Variants in TNRC6A observed in about 807,000 individuals in gnomAD.
TNRC6A encodes trinucleotide repeat containing adaptor 6A, also known as trinucleotide repeat-containing gene 6A protein.
Under a neutral mutation model 221.2 loss-of-function variants are expected in TNRC6A, and 44 were observed. The ratio of observed to expected loss-of-function variants is 0.20; its 90% confidence interval spans 0.16 to 0.26. The LOEUF (loss-of-function observed/expected upper bound fraction) is 0.26, where lower values mean the gene tolerates loss of function less well. Ranked by LOEUF, TNRC6A falls within the 10% of genes least tolerant of loss-of-function variation. The pLI is 1.00. For synonymous variants in TNRC6A, 847 were observed against 838.5 expected, an observed-to-expected ratio of 1.01 and a Z score of -0.18; for missense variants, 2,199 against 2,404.4, an observed-to-expected ratio of 0.91 and a Z score of 1.79.
chr16:24,646,428 A>G (rs1902291529), intron 2 of TNRC6A, among the ~76,000 whole-genome samples: 1 of 152,206 alleles, frequency 6.6e-6, no homozygotes, highest in African/African-American at 2.4e-5. Context: ...CAGCATTTGT[A>G]TGTATACACT....
chr16:24,768,512 T>C (rs533263635), intron 4 of TNRC6A, among the ~76,000 whole-genome samples: 4 of 151,424 alleles, frequency 2.6e-5, no homozygotes, highest in Non-Finnish European at 5.9e-5. Flanking sequence ...TACTTGAGAA[T>C]AACATTTTCT....
intron 23 of TNRC6A, among the ~76,000 whole-genome samples, 155 bp from the exon 24 acceptor site, chr16:24,822,719 C>T (rs2058790710): frequency 6.6e-6 from 1 of 152,130 alleles, no homozygotes; most frequent in Admixed American, 6.5e-5. Flanking sequence ...GATGGCTCTG[C>T]ACCCCGTCAG....
chr16:24,714,596 C>T lies in TNRC6A; in HGVS notation n.403-36130C>T, dbSNP rs569046230. ...CTGGGATTACAGGCATAAGCCACTG[C>T]GCCCAGCCTGCTGTTAATCTTATCC... On this transcript the variant is annotated intron_variant and non_coding_transcript_variant, in intron 2 of 2. Coordinates refer to the TNRC6A transcript ENST00000566108. 1.7e-4 allele frequency among the ~76,000 whole-genome samples: 26 copies of T among 152,150 alleles called. No individual in the cohort carries two copies. In the East Asian group the frequency reaches 3.5e-3, roughly 20 times the overall value.
intron 2 of TNRC6A, among the ~76,000 whole-genome samples, chr16:24,734,971 C>G (rs1417102707): frequency 6.6e-6 from 1 of 152,166 alleles, no homozygotes; most frequent in Non-Finnish European, 1.5e-5. Flanking sequence ...TTGCGTGGGA[C>G]AAATGCTATA....
Position 24,790,582 on chromosome 16 carries a change from A to T in TNRC6A, c.1940A>T (p.Glu647Val), listed in dbSNP as rs750483490. 1 of 1,614,236 alleles carries T rather than the reference A, an allele frequency of 6.2e-7. No individual in the cohort carries two copies. Among genetic ancestry groups the T allele is most frequent in the South Asian group, 1.1e-5 (1 of 91,084 alleles). The change falls in exon 6 of 25, where the codon GAG becomes GTG. Residue 647 changes from glutamate (E) to valine (V), a missense_variant. This residue lies in a region of TNRC6A where 1,405 missense variants were observed against 1,400.2 expected (regional missense o/e 1.00). Transcript: ENST00000395799. Reference protein sequence around the residue: ...FTNGWKSTEEEDQGSATSQTN... With the variant: ...FTNGWKSTEEVDQGSATSQTN... ...AATGGATGGAAATCTACTGAGGAAG[A>T]GGATCAGGGTTCTGCCACATCTCAG...
intron 2 of TNRC6A, among the ~76,000 whole-genome samples, chr16:24,713,035 T>C (rs1376461784): frequency 6.6e-6 from 1 of 151,558 alleles, no homozygotes; most frequent in Non-Finnish European, 1.5e-5. Flanking sequence ...CATTTCAGCC[T>C]CCCAAAGAGT....
intron 4 of TNRC6A, among the ~76,000 whole-genome samples, chr16:24,769,421 C>T (rs752482895): frequency 1.7e-4 from 26 of 149,688 alleles, no homozygotes; most frequent in Non-Finnish European, 3.7e-4. Flanking sequence ...ATTTTTTTTC[C>T]CATTTCTTTA....
chr16:24,658,731 T>A (rs1275480591), intron 2 of TNRC6A, among the ~76,000 whole-genome samples: 1 of 152,178 alleles, frequency 6.6e-6, no homozygotes, highest in Non-Finnish European at 1.5e-5. Context: ...TTCAATTATT[T>A]ATTTTACTCT....
chr16:24,790,282 A>G lies in TNRC6A; in HGVS notation c.1640A>G (p.Asn547Ser). Reference sequence around the variant, plus strand: ...GGCCAAGCTAATGGTGACACTGTGAATGCAACTCTAATGCAGCCTGGCGTA... The same window carrying G: ...GGCCAAGCTAATGGTGACACTGTGAGTGCAACTCTAATGCAGCCTGGCGTA... ...PNGQANGDTV[N>S]ATLMQPGVNG... Residue 547 changes from asparagine (N) to serine (S), a missense_variant, in exon 6 of 25, where the codon AAT becomes AGT. By Grantham distance (46) the Asn-to-Ser change is conservative (BLOSUM62 1). Coordinates refer to ENST00000395799, the MANE Select transcript of TNRC6A (RefSeq NM_014494.4). 6.2e-7 allele frequency: 1 copy of G among 1,614,228 alleles called. No homozygotes were observed. The highest frequency in any genetic ancestry group is 8.5e-7 in the Non-Finnish European group (1 of 1,180,050).
At chr16:24,807,115 C>T (rs568523819) in intron 17 of TNRC6A, among the ~76,000 whole-genome samples, 4 of 151,868 alleles carry the variant, frequency 2.6e-5, no homozygotes, top group Admixed American at 1.3e-4. Flanking sequence ...AAGCGATTCT[C>T]GCACCTCAGC....
At chr16:24,769,144 TA>T (rs1303644423) in intron 4 of TNRC6A, among the ~76,000 whole-genome samples, 1 of 152,242 alleles carries the variant, frequency 6.6e-6, no homozygotes, top group South Asian at 2.1e-4. Flanking sequence ...AGACAATTGC[TA>T]TTTTTTTTCA....
intron 2 of TNRC6A, among the ~76,000 whole-genome samples, chr16:24,704,181 G>A (rs915026548): frequency 4.0e-5 from 6 of 151,414 alleles, no homozygotes; most frequent in Admixed American, 2.6e-4. Flanking sequence ...TGCAAACTTC[G>A]CCTCCTAGGT....
rs774892234 is a variant in TNRC6A, at chr16:24,791,462, A to G, written c.2820A>G (p.Pro940=). 3.3e-6 allele frequency: 5 copies of G among 1,531,678 alleles called. No individual in the cohort carries two copies. The highest frequency in any genetic ancestry group is 3.5e-6 in the Non-Finnish European group (4 of 1,142,798). 94.9% of individuals were successfully genotyped at this position (1,531,678 alleles called of 1,614,324 possible). A position where few individuals can be genotyped will look rare whatever the true frequency, so the allele number is the denominator to read the frequency against. ...QSLGWGDSSK[P]VSSPDWNKQQ... ...TAGGTTGGGGAGATTCGTCAAAGCC[A>G]GTCAGCTCTCCAGACTGGAACAAGC... is the stretch of plus-strand genomic sequence containing the variant. Residue 940 remains proline, a synonymous_variant, in exon 6 of 25, where the codon CCA becomes CCG. Coordinates refer to ENST00000395799, the MANE Select transcript of TNRC6A (RefSeq NM_014494.4).
Position 24,789,406 on chromosome 16 carries a change from A to G in TNRC6A, c.764A>G (p.Asp255Gly). The G allele has an allele frequency of 6.2e-7, 1 of 1,614,240 alleles. No homozygotes were observed. Among genetic ancestry groups the G allele is most frequent in the Non-Finnish European group, 8.5e-7 (1 of 1,180,032 alleles). The part of the protein sequence containing the change: ...SDPELASECM[D>G]ADSASSSESE... ...CCGGAGTTGGCTTCAGAATGTATGG[A>G]TGCTGATTCTGCCTCCAGTTCTGAA... Residue 255 changes from aspartate (D) to glycine (G), a missense_variant, in exon 6 of 25, where the codon GAT (aspartate) becomes GGT (glycine). Physicochemically the swap from Asp to Gly is moderately conservative, Grantham distance 94 (BLOSUM62 -1). This residue lies in a region of TNRC6A where 1,405 missense variants were observed against 1,400.2 expected (regional missense o/e 1.00). Transcript: ENST00000395799.
At chr16:24,672,534 T>A (rs1389145727) in intron 2 of TNRC6A, among the ~76,000 whole-genome samples, 1 of 152,042 alleles carries the variant, frequency 6.6e-6, no homozygotes, top group Admixed American at 6.6e-5. Flanking sequence ...CTCAACCTCC[T>A]GGGCTCAGGC....
At chr16:24,678,713 T>G (rs949841420) in intron 2 of TNRC6A, among the ~76,000 whole-genome samples, 2 of 152,142 alleles carry the variant, frequency 1.3e-5, no homozygotes, top group African/African-American at 4.8e-5. Flanking sequence ...TCAAAAAAGA[T>G]TCTCCCAACT....
At chr16:24,724,685 A>G (rs2056464371), upstream of TNRC6A, among the ~76,000 whole-genome samples, 1 of 152,156 alleles carries the variant, frequency 6.6e-6, no homozygotes, top group African/African-American at 2.4e-5. Context: ...TGGAGGTTGC[A>G]GTGAGCCGAG....
chr16:24,804,776 A>C lies in TNRC6A; in HGVS notation c.3909A>C (p.Ser1303=). The part of the protein sequence containing the change: ...MSSQSMKLPP[S]NSALPNQALG... ...GTCAAAGCATGAAGCTTCCCCCTTC[A>C]AATAGTGCACTACCTAACCAGGCCC... The change falls in exon 13 of 25, where the codon TCA becomes TCC. Residue 1303 remains serine (S), a synonymous_variant. Coordinates refer to ENST00000395799, the MANE Select transcript of TNRC6A (RefSeq NM_014494.4). The C allele has an allele frequency of 6.2e-7, 1 of 1,608,690 alleles. No homozygotes were observed.
intron 2 of TNRC6A, among the ~76,000 whole-genome samples, chr16:24,731,590 A>C (rs1025111572): frequency 6.6e-6 from 1 of 152,246 alleles, no homozygotes; most frequent in Non-Finnish European, 1.5e-5. Flanking sequence ...TAAGATATGA[A>C]ACCATTAAAG....
Sources: allele counts gnomAD v4.1 joint callset (sites outside exome capture counted in the v4.1 genomes callset), GRCh38; gene constraint gnomAD v4.1.1; regional missense constraint gnomAD v4.1.1; transcripts MANE v1.5; gene names NCBI Gene and HGNC (gene_info 2026-07-23, HGNC 2026-07-21).